RTTN: variants seen among roughly 807,000 people sequenced by gnomAD.
RTTN encodes rotatin.
RTTN carries 182 observed loss-of-function variants against 269.2 expected under a neutral mutation model. That is an observed-to-expected ratio of 0.68 (90% CI 0.60 to 0.76). The LOEUF (loss-of-function observed/expected upper bound fraction) is 0.76. Ranked by LOEUF, RTTN falls within the 30% of genes least tolerant of loss-of-function variation. The pLI, the probability that RTTN is intolerant of heterozygous loss-of-function variation, is 0.00. For synonymous variants in RTTN, 1,006 were observed against 963.5 expected (o/e 1.04, Z -0.82); for missense variants, 2,545 against 2,608.6 (o/e 0.98, Z 0.53).
Position 70,196,505 on chromosome 18 carries a change from T to C in RTTN, c.837A>G (p.Lys279=), listed in dbSNP as rs757626007. 69 of 1,609,176 alleles carry C rather than the reference T, an allele frequency of 4.3e-5. No individual in the cohort carries two copies. The highest frequency in any genetic ancestry group is 5.8e-5 in the Non-Finnish European group (68 of 1,178,622). The change falls in exon 7 of 49, where the codon AAA becomes AAG. Residue 279 remains lysine, a synonymous_variant. Transcript: ENST00000640769. ...FHRDPGFFSN[K]HDTVSQNSSL... ...TGAACAGATAAAAATAAATACCGTG[T>C]TTATTGGAGAAAAAACCTGGATCTC...
At chr18:70,054,095 T>C (rs2057749026) in intron 38 of RTTN, 36 bp downstream of exon 38, 3 of 1,557,872 alleles carry the variant, frequency 1.9e-6, no homozygotes, top group African/African-American at 2.7e-5. Flanking sequence ...CTCAGTATTA[T>C]TCACTTACAT....
At chr18:70,074,043 A>G (rs2058365370) in intron 33 of RTTN, 49 bp from the exon 34 acceptor site, 6 of 1,272,624 alleles carry the variant, frequency 4.7e-6, no homozygotes, top group Non-Finnish European at 6.9e-6. Context: ...TAGGAACTGT[A>G]ACAATTAATT....
At chr18:70,092,582 TC>T in intron 29 of RTTN, 93 bp downstream of exon 29, 1 of 1,410,766 alleles carries the variant, frequency 7.1e-7, no homozygotes, top group Non-Finnish European at 9.6e-7. Context: ...AGAGACATTT[TC>T]ATGTGGCAAG....
intron 10 of RTTN, among the ~76,000 whole-genome samples, chr18:70,183,736 G>C (rs192337797): frequency 6.6e-6 from 1 of 151,968 alleles, no homozygotes. Context: ...ACATCCTCTG[G>C]GAAGCAAAAT....
At chr18:70,120,571 G>T (rs969915507) in intron 26 of RTTN, among the ~76,000 whole-genome samples, 2 of 151,868 alleles carry the variant, frequency 1.3e-5, no homozygotes, top group Non-Finnish European at 2.9e-5. Context: ...TTCTAGTTTT[G>T]TTTTGTTTTT....
intron 21 of RTTN, among the ~76,000 whole-genome samples, chr18:70,139,336 G>C (rs2060201020): frequency 6.6e-6 from 1 of 152,170 alleles, no homozygotes; most frequent in Non-Finnish European, 1.5e-5. Flanking sequence ...TTTACTGTCT[G>C]AGCACCAGAT....
chr18:70,088,260 G>T (rs1329322250), intron 30 of RTTN, 113 bp from the exon 31 acceptor site: 1 of 965,772 alleles, frequency 1.0e-6, no homozygotes, highest in Non-Finnish European at 1.5e-6. Context: ...TTGGTTTTAT[G>T]ATCCTAAATT....
Position 70,193,394 on chromosome 18 carries a change from A to AATGATG in RTTN, c.895_900dup (p.His299_His300dup). 1 of 1,607,654 alleles carries AATGATG rather than the reference A, an allele frequency of 6.2e-7. No individual in the cohort carries two copies. The highest frequency in any genetic ancestry group is 8.5e-7 in the Non-Finnish European group (1 of 1,177,408). On this transcript the variant is annotated inframe_insertion, in exon 8 of 49. Coordinates refer to ENST00000640769, the MANE Select transcript of RTTN (RefSeq NM_173630.4). ...CTGCTTCCTGGGGAAGGATTCTGGGAATGATGAGTACCTCTTGCTTCATGA... is the reference window on the plus strand; with the variant it reads ...CTGCTTCCTGGGGAAGGATTCTGGGAATGATGATGATGAGTACCTCTTGCTTCATGA...
intron 9 of RTTN, among the ~76,000 whole-genome samples, chr18:70,189,661 C>A (rs958435602): frequency 2.0e-5 from 3 of 152,156 alleles, no homozygotes; most frequent in Non-Finnish European, 4.4e-5. Context: ...AGTTTCTAAA[C>A]CACTCAAAAA....
intron 28 of RTTN, among the ~76,000 whole-genome samples, chr18:70,102,793 T>C (rs1316918789): frequency 6.6e-6 from 1 of 152,234 alleles, no homozygotes; most frequent in Non-Finnish European, 1.5e-5. Context: ...CAGCATTTGC[T>C]TGTCTGTAAA....
chr18:70,117,430 T>A (rs1192477291), intron 26 of RTTN, among the ~76,000 whole-genome samples: 1 of 151,942 alleles, frequency 6.6e-6, no homozygotes, highest in Non-Finnish European at 1.5e-5. Context: ...ATTTAGGGAG[T>A]AAACCCAACT....
At chr18:70,143,559 C>T (rs2060313714) in intron 18 of RTTN, among the ~76,000 whole-genome samples, 1 of 151,946 alleles carries the variant, frequency 6.6e-6, no homozygotes, top group Admixed American at 6.6e-5. Context: ...AACACAAGGA[C>T]ACAAAGAGGG....
intron 40 of RTTN, chr18:70,031,544 C>G (rs1054288301): frequency 2.5e-6 from 1 of 392,248 alleles, no homozygotes; most frequent in Non-Finnish European, 4.5e-6. Flanking sequence ...ATTTGTAATT[C>G]CGAAACTACT....
At chr18:70,162,870 C>T (rs1282261896) in intron 14 of RTTN, among the ~76,000 whole-genome samples, 1 of 126,332 alleles carries the variant, frequency 7.9e-6, no homozygotes, top group Non-Finnish European at 1.6e-5. Flanking sequence ...GTACCCCCAA[C>T]CCTAAAATAA....
At chr18:70,064,555 C>CTT (rs2058082024) in intron 35 of RTTN, among the ~76,000 whole-genome samples, 1 of 151,980 alleles carries the variant, frequency 6.6e-6, no homozygotes, top group East Asian at 1.9e-4. Flanking sequence ...ACCTTGAAAA[C>CTT]AGCACACTAA....
At chr18:70,153,300 C>T (rs1020686140) in intron 14 of RTTN, among the ~76,000 whole-genome samples, 1 of 151,724 alleles carries the variant, frequency 6.6e-6, no homozygotes, top group Non-Finnish European at 1.5e-5. Context: ...TACATATATA[C>T]ACACACACAT....
intron 11 of RTTN, among the ~76,000 whole-genome samples, chr18:70,170,436 C>A (rs1372128734): frequency 6.6e-6 from 1 of 152,340 alleles, no homozygotes; most frequent in South Asian, 2.1e-4. Context: ...AGGCAGGGAA[C>A]TGCTACTTCT....
intron 23 of RTTN, chr18:70,131,409 T>C (rs1011477550): frequency 2.7e-5 from 4 of 150,834 alleles, no homozygotes; most frequent in Non-Finnish European, 4.4e-5. Context: ...AGCAAATAAA[T>C]GGAATTAATG....
At chr18:70,086,759 T>C (rs2058712923) in intron 31 of RTTN, 75 bp from the exon 32 acceptor site, 9 of 1,316,458 alleles carry the variant, frequency 6.8e-6, no homozygotes, top group Non-Finnish European at 9.4e-6. Flanking sequence ...CTTGTGGTCA[T>C]CTCTGAAATA....
Sources: gnomAD v4.1 joint callset for allele counts (sites outside exome capture counted in the v4.1 genomes callset) on GRCh38, gnomAD v4.1.1 for gene constraint, MANE v1.5 for transcripts, NCBI Gene and HGNC (gene_info 2026-07-23, HGNC 2026-07-21) for gene names.